EPHB1: variants seen among roughly 807,000 people sequenced by gnomAD.
EPHB1 encodes EPH receptor B1, also known as ephrin type-B receptor 1.
EPHB1 carries 30 observed loss-of-function variants against 94.4 expected under a neutral mutation model. The observed-to-expected ratio is 0.32, with a 90% CI of 0.24 to 0.43. The LOEUF is 0.43. Among genes scored for constraint, EPHB1 ranks in the 20% least tolerant of loss-of-function variants. EPHB1 has a pLI of 1.00. For missense variants in EPHB1, 1,055 were observed against 1,308.3 expected (o/e 0.81, Z 2.99); for synonymous variants, 522 against 489.1 (o/e 1.07, Z -0.89).
At chr3:135,023,063 G>C (rs1251447826) in intron 3 of EPHB1, among the ~76,000 whole-genome samples, 1 of 152,124 alleles carries the variant, frequency 6.6e-6, no homozygotes, top group Non-Finnish European at 1.5e-5. Context: ...ATGACGGGAG[G>C]CTAGTCCTTC....
intron 1 of EPHB1, among the ~76,000 whole-genome samples, chr3:134,898,113 C>T (rs1014782739): frequency 6.6e-6 from 1 of 152,092 alleles, no homozygotes; most frequent in Non-Finnish European, 1.5e-5. Context: ...AGGGACCTTA[C>T]CCTAGGTGGA....
intron 1 of EPHB1, among the ~76,000 whole-genome samples, chr3:134,924,991 T>C (rs762236226): frequency 6.6e-6 from 1 of 152,212 alleles, no homozygotes; most frequent in Non-Finnish European, 1.5e-5. Flanking sequence ...ATTATGTTAA[T>C]TTGTGGTGAT....
At chr3:135,059,723 A>T (rs1576353308) in intron 3 of EPHB1, among the ~76,000 whole-genome samples, 1 of 152,164 alleles carries the variant, frequency 6.6e-6, no homozygotes, top group East Asian at 1.9e-4. Flanking sequence ...TTTCATTCCA[A>T]ATAGCATCCC....
At chr3:134,864,699 CGGCAAGT>C (rs1172706328) in intron 1 of EPHB1, among the ~76,000 whole-genome samples, 2 of 152,140 alleles carry the variant, frequency 1.3e-5, no homozygotes, top group Non-Finnish European at 2.9e-5. Flanking sequence ...CAAAATATTG[CGGCAAGT>C]GGGAGACAAT....
chr3:135,106,994 A>G (rs1196326383), intron 4 of EPHB1, among the ~76,000 whole-genome samples: 4 of 152,158 alleles, frequency 2.6e-5, no homozygotes, highest in South Asian at 2.1e-4. Context: ...GGTTTCCTGT[A>G]TATTTGTAAC....
intron 12 of EPHB1, among the ~76,000 whole-genome samples, chr3:135,226,081 G>T (rs1368223152): frequency 6.6e-6 from 1 of 152,264 alleles, no homozygotes; most frequent in Admixed American, 6.5e-5. Context: ...CCCCCAAGTG[G>T]GGTTTCTGTA....
intron 12 of EPHB1, among the ~76,000 whole-genome samples, chr3:135,202,275 A>C (rs915867480): frequency 1.3e-5 from 2 of 152,190 alleles, no homozygotes; most frequent in African/African-American, 2.4e-5. Flanking sequence ...TAACAAGCCG[A>C]AAATAGAGCT....
rs1576459036 is a variant in EPHB1, at chr3:135,192,612, T to C, written c.1919T>C (p.Leu640Pro). ...FGEVYKGRLK[L>P]PGKREIYVAI... ...GAAGTGTACAAGGGGCGTTTGAAAC[T>C]GCCAGGCAAGAGGGAAATCTACGTG... is the stretch of plus-strand genomic sequence containing the variant. Residue 640 changes from leucine to proline, a missense_variant, in exon 11 of 16, where the codon CTG (leucine) becomes CCG (proline). Coordinates refer to ENST00000398015, the MANE Select transcript of EPHB1 (RefSeq NM_004441.5). 6.2e-7 allele frequency: 1 copy of C among 1,613,910 alleles called. No individual in the cohort carries two copies. The highest frequency in any genetic ancestry group is 8.5e-7 in the Non-Finnish European group (1 of 1,179,894).
chr3:135,216,450 C>A (rs1019176412), intron 12 of EPHB1, among the ~76,000 whole-genome samples: 1 of 151,766 alleles, frequency 6.6e-6, no homozygotes, highest in South Asian at 2.1e-4. Context: ...GAGCCGGGCA[C>A]GGTGGCTCAT....
chr3:135,139,194 C>T (rs1036274323), intron 5 of EPHB1, among the ~76,000 whole-genome samples: 2 of 152,162 alleles, frequency 1.3e-5, no homozygotes, highest in Non-Finnish European at 2.9e-5. Context: ...CCACAGGTAA[C>T]ATCTTAATAT....
At chr3:135,155,980 G>A (rs767812806) in intron 6 of EPHB1, among the ~76,000 whole-genome samples, 4 of 151,904 alleles carry the variant, frequency 2.6e-5, no homozygotes, top group Non-Finnish European at 4.4e-5. Context: ...CAGGGTAAAA[G>A]CAGAGGGCTG....
intron 3 of EPHB1, among the ~76,000 whole-genome samples, chr3:134,986,604 C>G (rs1331816120): frequency 1.3e-5 from 2 of 152,082 alleles, no homozygotes; most frequent in African/African-American, 2.4e-5. Flanking sequence ...CTCTTATTTT[C>G]CAGTCCATAT....
At chr3:134,931,753 G>T (rs114264673) in intron 2 of EPHB1, among the ~76,000 whole-genome samples, 1,945 of 152,246 alleles carry the variant, frequency 0.013, 48 homozygotes, top group African/African-American at 0.045. Context: ...AAGTATGTGT[G>T]TGCATGTATA....
intron 6 of EPHB1, among the ~76,000 whole-genome samples, chr3:135,155,672 G>A (rs1276439441): frequency 1.4e-5 from 2 of 142,602 alleles, no homozygotes; most frequent in Non-Finnish European, 3.0e-5. Context: ...AGGAGTGGTG[G>A]CAGGCTACTC....
At chr3:135,084,260 G>A (rs957979671) in intron 3 of EPHB1, among the ~76,000 whole-genome samples, 19 of 152,106 alleles carry the variant, frequency 1.2e-4, no homozygotes, top group Non-Finnish European at 2.9e-5. Context: ...CTCTCCAGGA[G>A]GCCCAAATCC....
chr3:135,219,457 G>A (rs1165192725), intron 12 of EPHB1, among the ~76,000 whole-genome samples: 2 of 151,958 alleles, frequency 1.3e-5, no homozygotes, highest in Non-Finnish European at 2.9e-5. Context: ...TGATGGCAGA[G>A]GCAGAGGTTG....
intron 2 of EPHB1, among the ~76,000 whole-genome samples, chr3:134,946,998 C>A (rs1451793098): frequency 1.3e-5 from 2 of 152,154 alleles, no homozygotes; most frequent in Admixed American, 1.3e-4. Context: ...TCCGTTGCAC[C>A]CCCGTGCTTG....
chr3:135,034,365 G>A lies in EPHB1; in HGVS notation c.806-72083G>A, dbSNP rs561446212. 2.6e-5 allele frequency among the ~76,000 whole-genome samples: 4 copies of A among 152,338 alleles called. No homozygotes were observed. In the South Asian group the frequency reaches 6.2e-4, roughly 24 times the overall value. ...CCCGTTCAGGGAGGGCAAGGGGCAG[G>A]CAGACTTCAAAGTACAGCTGGGTCT... On this transcript the variant is annotated intron_variant, in intron 3 of 15. Transcript: ENST00000398015.
intron 11 of EPHB1, among the ~76,000 whole-genome samples, chr3:135,198,312 C>G (rs1284934097): frequency 6.6e-6 from 1 of 152,174 alleles, no homozygotes; most frequent in Admixed American, 6.5e-5. Context: ...ATTTTCTGGA[C>G]CTCCTTTATC....
Sources: allele counts gnomAD v4.1 joint callset (sites outside exome capture counted in the v4.1 genomes callset), GRCh38; gene constraint gnomAD v4.1.1; transcripts MANE v1.5; gene names NCBI Gene and HGNC (gene_info 2026-07-23, HGNC 2026-07-21).